The following FNDC7 variants were observed in gnomAD, a reference collection of about 807,000 sequenced individuals.
FNDC7 encodes the protein fibronectin type III domain containing 7.
FNDC7 carries 66 observed loss-of-function variants against 74.2 expected under a neutral mutation model. The observed-to-expected ratio is 0.89, with a 90% CI of 0.73 to 1.09. The LOEUF is 1.09. Among genes scored for constraint, FNDC7 ranks in the 50% least tolerant of loss-of-function variants. The pLI, the probability that FNDC7 is intolerant of heterozygous loss-of-function variation, is 0.00. For synonymous variants in FNDC7, 307 were observed against 330.2 expected, an observed-to-expected ratio of 0.93 and a Z score of 0.76; for missense variants, 829 against 893.4, an observed-to-expected ratio of 0.93 and a Z score of 0.92.
intron 11 of FNDC7, among the ~76,000 whole-genome samples, chr1:108,739,980 C>A (rs1189231112): frequency 6.7e-6 from 1 of 149,066 alleles, no homozygotes. Flanking sequence ...GGGTTTGAGG[C>A]CGACCTTGGC....
At chr1:108,732,935 A>ATTTT (rs370493264) in intron 9 of FNDC7, among the ~76,000 whole-genome samples, 2 of 134,876 alleles carry the variant, frequency 1.5e-5, no homozygotes, top group African/African-American at 2.8e-5. Flanking sequence ...CAACTGGCTA[A>ATTTT]TTTTTTTTTT....
chr1:108,741,968 A>G lies in FNDC7; in HGVS notation c.*81A>G, dbSNP rs1338852537. Reference sequence around the variant, plus strand: ...TGATTAGAGATGGAAAAGATCTACTAGAATGTAGAATAAAAATGCCTCTAG... The same window carrying G: ...TGATTAGAGATGGAAAAGATCTACTGGAATGTAGAATAAAAATGCCTCTAG... On this transcript the variant is annotated 3_prime_UTR_variant, in exon 13 of 13. Coordinates refer to ENST00000370017, the MANE Select transcript of FNDC7 (RefSeq NM_001144937.3). The G allele has an allele frequency of 4.2e-6, 3 of 710,392 alleles. No individual in the cohort carries two copies. In the African/African-American group the frequency reaches 5.4e-5, roughly 13 times the overall value. 44.0% of individuals were successfully genotyped at this position (710,392 alleles called of 1,614,324 possible).
At chr1:108,715,323 T>C (rs760162886) in intron 2 of FNDC7, among the ~76,000 whole-genome samples, 9 of 152,168 alleles carry the variant, frequency 5.9e-5, no homozygotes, top group Non-Finnish European at 8.8e-5. Context: ...ATCTAGGGAA[T>C]AAAGTTTTCT....
intron 8 of FNDC7, among the ~76,000 whole-genome samples, chr1:108,730,361 C>CA (rs748626022): frequency 0.01 from 1,197 of 117,324 alleles, 21 homozygotes; most frequent in East Asian, 0.03. Flanking sequence ...ATCTCCTTCT[C>CA]AAAAAAAAAA....
At chr1:108,714,594 T>G (rs1040914610) in intron 2 of FNDC7, among the ~76,000 whole-genome samples, 1 of 143,766 alleles carries the variant, frequency 7.0e-6, no homozygotes, top group Non-Finnish European at 1.5e-5. Context: ...CTTGGCCATA[T>G]ACAAAGTGGC....
At chr1:108,726,613 T>C (rs1487959948) in intron 6 of FNDC7, among the ~76,000 whole-genome samples, 1 of 152,228 alleles carries the variant, frequency 6.6e-6, no homozygotes, top group Non-Finnish European at 1.5e-5. Flanking sequence ...GTTGCTATTA[T>C]TCTCCTCTAC....
intron 2 of FNDC7, among the ~76,000 whole-genome samples, chr1:108,715,315 C>A (rs1156654509): frequency 6.6e-6 from 1 of 152,134 alleles, no homozygotes; most frequent in Non-Finnish European, 1.5e-5. Flanking sequence ...GGTTGCACAT[C>A]TAGGGAATAA....
At position 108,722,336 on chromosome 1, in the gene FNDC7, T is replaced by A. The variant is rs1400310758; in HGVS notation, c.600T>A (p.Ser200Arg). 6.9e-6 allele frequency: 11 copies of A among 1,595,350 alleles called. No individual in the cohort carries two copies. In the African/African-American group the frequency reaches 1.1e-4, roughly 16 times the overall value. ...GDDSTCNQRT[S>R]PRAPANIQVS... ...CTTAATTGTTTCTCTAAAATGTAGG[T>A]CCTCGGGCCCCTGCCAACATTCAAG... The change falls in exon 5 of 13, where the codon AGT becomes AGA. Residue 200 changes from serine to arginine, a missense_variant and splice_region_variant. Transcript: ENST00000370017.
In FNDC7 at chr1:108,733,315, T is replaced by C. The variant is rs1570734480; in HGVS notation, c.1923T>C (p.Pro641=). 1 of 1,614,044 alleles carries C rather than the reference T, an allele frequency of 6.2e-7. No homozygotes were observed. The highest frequency in any genetic ancestry group is 8.5e-7 in the Non-Finnish European group (1 of 1,180,034). ...GGGTGAAATTATATAGGCTGGGCCC[T>C]AATGGCATCCGGATCTACTGGCAAG... ...PLGVKLYRLG[P]NGIRIYWQAS... is the part of the protein sequence containing the mutation. Residue 641 remains proline (P), a synonymous_variant, in exon 10 of 13, where the codon CCT becomes CCC. Transcript: ENST00000370017.
In FNDC7 at chr1:108,722,567, A is replaced by G. The variant is rs746087428; in HGVS notation, c.831A>G (p.Ser277=). The change falls in exon 5 of 13, where the codon TCA becomes TCG. Residue 277 remains serine (S), a synonymous_variant. Coordinates refer to ENST00000370017, the MANE Select transcript of FNDC7 (RefSeq NM_001144937.3). ...GTAATGATGCTGGATCTAGCAAATC[A>G]TCTTCAGCAATGACCCTGAAAACTG... ...LASNDAGSSK[S]SSAMTLKTVA... The G allele has an allele frequency of 5.6e-6, 9 of 1,613,774 alleles. No individual in the cohort carries two copies. In the East Asian group the frequency reaches 6.7e-5, roughly 12 times the overall value.
In FNDC7 at chr1:108,717,872, C is replaced by T; in HGVS notation, c.178C>T (p.Leu60Phe). ...AGTGCCGGGTGCCACCAGTTACCTC[C>T]TCACGGCTGAAGACGGGGACACAGT... ...ATVPGATSYLLTAEDGDTVIE... is the reference protein window; with the variant it reads ...ATVPGATSYLFTAEDGDTVIE... Residue 60 changes from leucine to phenylalanine, a missense_variant, in exon 3 of 13, where the codon CTC (leucine) becomes TTC (phenylalanine). Transcript: ENST00000370017. The T allele has an allele frequency of 6.4e-7, 1 of 1,551,746 alleles. No homozygotes were observed. Among genetic ancestry groups the T allele is most frequent in the Non-Finnish European group, 8.7e-7 (1 of 1,147,004 alleles).
intron 6 of FNDC7, 36 bp from the exon 7 acceptor site, chr1:108,727,772 A>G (rs756489544): frequency 1.9e-6 from 3 of 1,608,886 alleles, no homozygotes; most frequent in South Asian, 2.2e-5. Flanking sequence ...ATTGCTCTTG[A>G]TGGGACCGCC....
At chr1:108,730,294 T>C (rs577942638) in intron 8 of FNDC7, among the ~76,000 whole-genome samples, 1 of 151,050 alleles carries the variant, frequency 6.6e-6, no homozygotes, top group Admixed American at 6.6e-5. Flanking sequence ...GAAGAATCGC[T>C]TGAACCTGGG....
chr1:108,740,022 ATC>A, intron 11 of FNDC7, among the ~76,000 whole-genome samples: 1 of 95,642 alleles, frequency 1.0e-5, no homozygotes, highest in Non-Finnish European at 2.2e-5. Flanking sequence ...CCTCAACGCC[ATC>A]TCTCTAAAAA....
At chr1:108,734,525 A>G (rs1349228991) in intron 10 of FNDC7, 1 of 152,250 alleles carries the variant, frequency 6.6e-6, no homozygotes, top group Admixed American at 6.5e-5. Flanking sequence ...AAGAATAAAT[A>G]TTGGCTCACA....
At chr1:108,713,047 A>T in intron 1 of FNDC7, 51 bp downstream of exon 1, 3 of 1,475,806 alleles carry the variant, frequency 2.0e-6, no homozygotes, top group South Asian at 1.3e-5. Context: ...AAAAAGAAAG[A>T]CACATTATTT....
intron 11 of FNDC7, among the ~76,000 whole-genome samples, chr1:108,740,318 C>CTTTT (rs567191029): frequency 2.9e-5 from 2 of 68,864 alleles, no homozygotes; most frequent in Non-Finnish European, 5.3e-5. Context: ...GCTTTTCAAA[C>CTTTT]TTTTTTTTTT....
chr1:108,736,963 C>CTTTTTTTTTTTT (rs1173562405), intron 10 of FNDC7, among the ~76,000 whole-genome samples: 6 of 99,408 alleles, frequency 6.0e-5, no homozygotes, highest in Non-Finnish European at 9.5e-5. Flanking sequence ...GCTTGGCATT[C>CTTTTTTTTTTTT]TTTTTTTTTT....
At position 108,715,671 on chromosome 1, in the gene FNDC7, G is replaced by GCACACA. The variant is rs957758663; in HGVS notation, c.83-2090_83-2085dup. Reference sequence around the variant, plus strand: ...CAAACATGCGCGTGCGTGCGCGCGCGCACACACACACACACACACACTTTC... The same window carrying GCACACA: ...CAAACATGCGCGTGCGTGCGCGCGCGCACACACACACACACACACACACACACTTTC... On this transcript the variant is annotated intron_variant, in intron 2 of 12. Transcript: ENST00000370017. Among the ~76,000 whole-genome samples, 289 of 150,688 alleles carry GCACACA rather than the reference G, an allele frequency of 1.9e-3. 2 individuals carry two copies. The highest frequency in any genetic ancestry group is 6.8e-3 in the African/African-American group (277 of 41,032).
Sources: gnomAD v4.1 joint callset for allele counts (sites outside exome capture counted in the v4.1 genomes callset) on GRCh38, gnomAD v4.1.1 for gene constraint, MANE v1.5 for transcripts, NCBI Gene and HGNC (gene_info 2026-07-23, HGNC 2026-07-21) for gene names.